CCNH: variants seen among roughly 807,000 people sequenced by gnomAD.
CCNH encodes the protein cyclin-H.
CCNH carries 31 observed loss-of-function variants against 41.9 expected under a neutral mutation model. That is an observed-to-expected ratio of 0.74 (90% CI 0.56 to 1.00). CCNH has a LOEUF of 1.00. Ranked by LOEUF, CCNH falls within the 50% of genes least tolerant of loss-of-function variation. The probability of loss-of-function intolerance (pLI) is 0.00; values close to 1 mark genes in which losing one functional copy is unlikely to be tolerated. For missense variants in CCNH, 362 were observed against 388.4 expected (o/e 0.93, Z 0.57); for synonymous variants, 138 against 136.1 (o/e 1.01, Z -0.10).
At chr5:87,376,860 T>C (rs1439699854) in exon 1 of CCNH, 1 of 1,573,006 alleles carries the variant, frequency 6.4e-7, no homozygotes, top group East Asian at 2.2e-5. Context: ...CTTTAAACAA[T>C]CTTTTAAAAT....
Position 87,362,673 on chromosome 5 carries a change from T to C in CCNH, c.*90+30097A>G, listed in dbSNP as rs750421671. 1.2e-6 allele frequency: 2 copies of C among 1,605,308 alleles called. No homozygotes were observed. The highest frequency in any genetic ancestry group is 2.7e-5 in the African/African-American group (2 of 74,646). ...AGAAAGGTTATCTTCTGAAAAAGGG[T>C]AAGTTCAGACTTTTATCATTAACCC... is the stretch of plus-strand genomic sequence containing the variant. On this transcript the variant is annotated intron_variant and NMD_transcript_variant, in intron 9 of 9. Coordinates refer to the CCNH transcript ENST00000645953.
At chr5:87,353,759 CAG>C (rs2112433159) in intron 9 of CCNH, among the ~76,000 whole-genome samples, 2 of 152,130 alleles carry the variant, frequency 1.3e-5, no homozygotes, top group South Asian at 4.1e-4. Flanking sequence ...GTCTTACAGA[CAG>C]GGTCCTAGAC....
chr5:87,362,491 A>AT (rs2112455983), intron 9 of CCNH: 1 of 1,519,868 alleles, frequency 6.6e-7, no homozygotes, highest in Non-Finnish European at 9.1e-7. Flanking sequence ...ACTTTTATAG[A>AT]TTTTTACTTC....
chr5:87,383,967 C>A (rs1365765479), intron 9 of CCNH, among the ~76,000 whole-genome samples: 2 of 146,822 alleles, frequency 1.4e-5, no homozygotes, highest in Non-Finnish European at 3.0e-5. Flanking sequence ...CTTTTTGTTT[C>A]TTTTCTTCCA....
At chr5:87,329,743 A>G (rs1327911205) in intron 9 of CCNH, among the ~76,000 whole-genome samples, 1 of 152,172 alleles carries the variant, frequency 6.6e-6, no homozygotes, top group African/African-American at 2.4e-5. Context: ...GGATAGTTCT[A>G]CTGCTTTAAG....
chr5:87,393,074 GAAAA>G (rs138557953), downstream of CCNH, among the ~76,000 whole-genome samples: 2 of 133,784 alleles, frequency 1.5e-5, no homozygotes, highest in Non-Finnish European at 3.2e-5. Context: ...TCTGGAATGA[GAAAA>G]AAAAAAAACC....
rs190933305 is a variant in CCNH at position 87,330,890 on chromosome 5, G to A, written c.*91-11993C>T. On this transcript the variant is annotated intron_variant and NMD_transcript_variant, in intron 9 of 9. Coordinates refer to the CCNH transcript ENST00000645953. ...GACAGTGTAATTCTGTTTTCCTGTCGCAGGGCACAAACACTAAAATGGAAT... is the reference window on the plus strand; with the variant it reads ...GACAGTGTAATTCTGTTTTCCTGTCACAGGGCACAAACACTAAAATGGAAT... The A allele has an allele frequency of 2.1e-4, 245 of 1,174,014 alleles. No homozygotes were observed. The South Asian group carries it at 2.2e-3, about 11-fold the overall frequency. The allele number at this position is 1,174,014 out of a possible 1,614,324, so 72.7% of individuals were successfully genotyped here. A position where few individuals can be genotyped will look rare whatever the true frequency, so the allele number is the denominator to read the frequency against.
downstream of CCNH, chr5:87,389,317 G>A (rs1762294239): frequency 2.5e-6 from 4 of 1,572,604 alleles, no homozygotes; most frequent in Non-Finnish European, 2.6e-6. Flanking sequence ...GGCAACAAGA[G>A]CGAAACTCTG....
At chr5:87,344,678 ATTTTTTTT>A (rs113174684) in intron 9 of CCNH, among the ~76,000 whole-genome samples, 2,816 of 131,222 alleles carry the variant, frequency 0.021, 44 homozygotes, top group Non-Finnish European at 0.031. Flanking sequence ...AAATGTTGTA[ATTTTTTTT>A]TTTTTTTTTT....
chr5:87,397,187 G>C (rs967700201), intron 7 of CCNH, among the ~76,000 whole-genome samples: 9 of 150,426 alleles, frequency 6.0e-5, no homozygotes, highest in Admixed American at 1.3e-4. Context: ...TTTTGAGACA[G>C]AGTCTTGCTC....
upstream of CCNH, among the ~76,000 whole-genome samples, chr5:87,379,265 C>G (rs1761537748): frequency 6.6e-6 from 1 of 152,098 alleles, no homozygotes; most frequent in East Asian, 1.9e-4. Context: ...AAGGATGACA[C>G]AGAAGTGCAG....
At chr5:87,313,101 C>T in the CCNH span, among the ~76,000 whole-genome samples, 1 of 152,074 alleles carries the variant, frequency 6.6e-6, no homozygotes, top group Non-Finnish European at 1.5e-5. Flanking sequence ...GTATGGACTG[C>T]AGATATTATG....
At chr5:87,358,545 G>C (rs1759830276) in intron 9 of CCNH, among the ~76,000 whole-genome samples, 2 of 152,112 alleles carry the variant, frequency 1.3e-5, no homozygotes, top group African/African-American at 4.8e-5. Flanking sequence ...ACCAGAATCT[G>C]CCTTCATCTC....
chr5:87,383,034 G>A (rs1317586709), intron 9 of CCNH, among the ~76,000 whole-genome samples: 1 of 152,088 alleles, frequency 6.6e-6, no homozygotes, highest in African/African-American at 2.4e-5. Context: ...CAAGGTTGCA[G>A]TGAGCTGTGA....
intron 8 of CCNH, 115 bp downstream of exon 8, chr5:87,394,929 A>C: frequency 1.3e-6 from 2 of 1,551,030 alleles, no homozygotes; most frequent in Non-Finnish European, 1.7e-6. Context: ...GCAAAAAATG[A>C]AAAAACCCAC....
intron 9 of CCNH, among the ~76,000 whole-genome samples, chr5:87,365,712 A>T (rs1329923223): frequency 1.3e-5 from 2 of 152,090 alleles, no homozygotes; most frequent in African/African-American, 4.8e-5. Flanking sequence ...AAATAATTTT[A>T]AAAAAATGTA....
At chr5:87,349,767 T>C (rs971882642) in intron 9 of CCNH, among the ~76,000 whole-genome samples, 8 of 151,960 alleles carry the variant, frequency 5.3e-5, no homozygotes, top group African/African-American at 1.9e-4. Context: ...ACAGATGTTA[T>C]CATGTAACTG....
chr5:87,338,201 C>A, intron 9 of CCNH: 8 of 1,518,584 alleles, frequency 5.3e-6, no homozygotes, highest in Non-Finnish European at 7.2e-6. Flanking sequence ...TATAAAAGAA[C>A]TTAATTGATA....
In CCNH at chr5:87,338,924, C is replaced by T. The variant is rs75917949; in HGVS notation, c.*91-20027G>A. Among the ~76,000 whole-genome samples the T allele has an allele frequency of 9.8e-3, 1,496 of 152,132 alleles. 9 individuals are homozygous for T. The highest frequency in any genetic ancestry group is 0.024 in the Middle Eastern group (7 of 294). ...ATCATATAATACGTTATCATGGTAT[C>T]AATTACCAGGTGCATTTTTAATAAC... On this transcript the variant is annotated intron_variant and NMD_transcript_variant, in intron 9 of 9. Transcript: ENST00000645953.
Sources: allele counts gnomAD v4.1 joint callset (sites outside exome capture counted in the v4.1 genomes callset), GRCh38; gene constraint gnomAD v4.1.1; transcripts MANE v1.5; gene names NCBI Gene and HGNC (gene_info 2026-07-23, HGNC 2026-07-21).